Variants in AUH observed in about 807,000 individuals in gnomAD.
AUH encodes methylglutaconyl-CoA hydratase, mitochondrial.
Under a neutral mutation model 42.3 loss-of-function variants are expected in AUH, and 29 were observed. The observed-to-expected ratio is 0.69, with a 90% confidence interval of 0.51 to 0.93. The LOEUF is 0.93. Among genes scored for constraint, AUH ranks in the 40% least tolerant of loss-of-function variants. The pLI is 0.00. For missense variants in AUH, 452 were observed against 438.1 expected, an observed-to-expected ratio of 1.03 and a Z score of -0.28; for synonymous variants, 174 against 166.4, an observed-to-expected ratio of 1.05 and a Z score of -0.35.
intron 6 of AUH, among the ~76,000 whole-genome samples, chr9:91,244,162 T>C (rs1828669285): frequency 6.6e-6 from 1 of 152,168 alleles, no homozygotes; most frequent in Admixed American, 6.5e-5. Flanking sequence ...AAAATCTCTA[T>C]CTAAACCAGC....
Position 91,338,629 on chromosome 9 carries a change from T to C in AUH, c.419-13225A>G, listed in dbSNP as rs191932891. Among the ~76,000 whole-genome samples the C allele has an allele frequency of 1.2e-3, 180 of 152,230 alleles. 5 individuals carry two copies. Among genetic ancestry groups the C allele is most frequent in the Admixed American group, 0.012 (178 of 15,298 alleles). ...TATTTTTAGTAGAGATGAGGTTTCA[T>C]CATGTTGGCCAGGCTGGTCTCGAAC... On this transcript the variant is annotated intron_variant, in intron 3 of 9. Transcript: ENST00000375731.
In AUH at chr9:91,231,305, T is replaced by G. The variant is rs146862402; in HGVS notation, c.656-10313A>C. Among the ~76,000 whole-genome samples the G allele has an allele frequency of 7.2e-5, 11 of 152,072 alleles. No individual in the cohort carries two copies. In the East Asian group the frequency reaches 1.9e-3, roughly 27 times the overall value. On this transcript the variant is annotated intron_variant, in intron 6 of 9. Transcript: ENST00000375731. ...GCGCAGTATTCGGGTCGGGTGGGAGTGACCCGATTTTCCAGGTGCCGTCGG... is the reference window on the plus strand; with the variant it reads ...GCGCAGTATTCGGGTCGGGTGGGAGGGACCCGATTTTCCAGGTGCCGTCGG...
chr9:91,305,988 C>T (rs1365109713), intron 4 of AUH, among the ~76,000 whole-genome samples: 15 of 152,194 alleles, frequency 9.9e-5, no homozygotes. Context: ...CGACAGCACA[C>T]TGGCTCTGTG....
intron 6 of AUH, among the ~76,000 whole-genome samples, chr9:91,290,706 T>C (rs931575963): frequency 2.0e-5 from 3 of 151,946 alleles, no homozygotes; most frequent in African/African-American, 7.3e-5. Context: ...ACAGAAGAGG[T>C]TGTTATAGCA....
chr9:91,233,249 G>C (rs560766548), intron 6 of AUH, among the ~76,000 whole-genome samples: 20 of 152,304 alleles, frequency 1.3e-4, no homozygotes, highest in Non-Finnish European at 2.8e-4. Context: ...CTGGAGCTGA[G>C]GCAGGAGGTA....
chr9:91,283,671 G>A (rs1170166941), intron 6 of AUH, among the ~76,000 whole-genome samples: 1 of 152,100 alleles, frequency 6.6e-6, no homozygotes, highest in Non-Finnish European at 1.5e-5. Flanking sequence ...ACCAATAACA[G>A]ACAAACAGAG....
chr9:91,335,914 G>T (rs538700745), intron 3 of AUH, among the ~76,000 whole-genome samples: 4 of 152,228 alleles, frequency 2.6e-5, no homozygotes, highest in Non-Finnish European at 5.9e-5. Flanking sequence ...CTAGCAGATG[G>T]CTAATTTTCA....
chr9:91,289,243 C>T (rs1016552065), intron 6 of AUH, among the ~76,000 whole-genome samples: 2 of 152,324 alleles, frequency 1.3e-5, no homozygotes, highest in East Asian at 1.9e-4. Flanking sequence ...AGAGTGGCTA[C>T]AATTCATGTA....
At chr9:91,270,188 G>A (rs1038145687) in intron 6 of AUH, among the ~76,000 whole-genome samples, 3 of 152,310 alleles carry the variant, frequency 2.0e-5, no homozygotes, top group Middle Eastern at 6.8e-3. Flanking sequence ...CCATCAAAGG[G>A]AGGCTCCAAA....
intron 6 of AUH, among the ~76,000 whole-genome samples, chr9:91,247,931 A>G (rs1405346860): frequency 6.6e-6 from 1 of 152,226 alleles, no homozygotes; most frequent in East Asian, 1.9e-4. Context: ...TATCAAAAAT[A>G]TGATTTACAC....
chr9:91,231,984 C>T (rs193155954), intron 6 of AUH, among the ~76,000 whole-genome samples: 1 of 152,310 alleles, frequency 6.6e-6, no homozygotes, highest in East Asian at 1.9e-4. Flanking sequence ...ATAGTATGTA[C>T]TTATATGATT....
At chr9:91,270,431 G>C (rs569912471) in intron 6 of AUH, among the ~76,000 whole-genome samples, 1 of 152,294 alleles carries the variant, frequency 6.6e-6, no homozygotes, top group African/African-American at 2.4e-5. Flanking sequence ...AGAAACTGGG[G>C]TGTTCTCAGG....
intron 6 of AUH, among the ~76,000 whole-genome samples, chr9:91,247,305 C>T (rs968814999): frequency 1.3e-5 from 2 of 152,180 alleles, no homozygotes; most frequent in African/African-American, 4.8e-5. Context: ...CTCTCACTCC[C>T]CATAAAGGTG....
intron 6 of AUH, among the ~76,000 whole-genome samples, chr9:91,248,666 T>A (rs1828934735): frequency 6.6e-6 from 1 of 152,170 alleles, no homozygotes; most frequent in Non-Finnish European, 1.5e-5. Context: ...CACTTATATA[T>A]GTACAGTAAG....
At chr9:91,250,786 C>G (rs1045556456) in intron 6 of AUH, among the ~76,000 whole-genome samples, 1 of 152,190 alleles carries the variant, frequency 6.6e-6, no homozygotes, top group African/African-American at 2.4e-5. Context: ...CGTCTTTTGA[C>G]GGCAGAGAGT....
intron 8 of AUH, 140 bp from the exon 9 acceptor site, chr9:91,216,246 C>A: frequency 1.2e-6 from 1 of 860,426 alleles, no homozygotes; most frequent in Non-Finnish European, 1.9e-6. Context: ...GTGTGACCAA[C>A]ATGAGACACA....
intron 6 of AUH, among the ~76,000 whole-genome samples, chr9:91,282,275 T>A (rs1826029583): frequency 6.6e-6 from 1 of 152,180 alleles, no homozygotes; most frequent in African/African-American, 2.4e-5. Flanking sequence ...TTAAATGGGG[T>A]TTGCTCTGAC....
At chr9:91,329,431 A>G (rs1830177229) in intron 3 of AUH, among the ~76,000 whole-genome samples, 2 of 152,082 alleles carry the variant, frequency 1.3e-5, no homozygotes, top group African/African-American at 4.8e-5. Flanking sequence ...CTTTTTTATT[A>G]TACCCATTCT....
intron 6 of AUH, among the ~76,000 whole-genome samples, chr9:91,235,290 G>C (rs552684682): frequency 6.6e-6 from 1 of 152,290 alleles, no homozygotes; most frequent in South Asian, 2.1e-4. Flanking sequence ...GACCGAGACA[G>C]CGCAAGGTAG....
Sources: gnomAD v4.1 joint callset for allele counts (sites outside exome capture counted in the v4.1 genomes callset) on GRCh38, gnomAD v4.1.1 for gene constraint, MANE v1.5 for transcripts, NCBI Gene and HGNC (gene_info 2026-07-23, HGNC 2026-07-21) for gene names.